Variants in APP observed in about 807,000 individuals in gnomAD.
APP encodes the protein amyloid-beta precursor protein.
Under a neutral mutation model 101.4 loss-of-function variants are expected in APP, and 31 were observed. That is an observed-to-expected ratio of 0.31 (90% confidence interval 0.23 to 0.41). APP has a LOEUF of 0.41. Ranked by LOEUF, APP falls within the 10% of genes least tolerant of loss-of-function variation. The pLI is 1.00. For synonymous variants in APP, 366 were observed against 364.4 expected (o/e 1.00, Z -0.05); for missense variants, 839 against 1,003.7 (o/e 0.84, Z 2.22).
intron 14 of APP, among the ~76,000 whole-genome samples, chr21:25,910,560 T>A (rs1457889525): frequency 6.6e-6 from 1 of 152,202 alleles, no homozygotes; most frequent in African/African-American, 2.4e-5. Flanking sequence ...TTGTGTGTAA[T>A]TGTATACTTC....
intron 3 of APP, among the ~76,000 whole-genome samples, chr21:26,074,863 C>A (rs528483672): frequency 6.6e-6 from 1 of 152,244 alleles, no homozygotes; most frequent in South Asian, 2.1e-4. Context: ...GATACACTGA[C>A]TTTTTACTAG....
intron 3 of APP, among the ~76,000 whole-genome samples, chr21:26,066,357 T>C (rs1476852909): frequency 1.3e-5 from 2 of 152,180 alleles, no homozygotes; most frequent in African/African-American, 4.8e-5. Flanking sequence ...TTATACAGTT[T>C]AGTGTTAAGT....
chr21:26,089,830 T>C (rs2146111239), intron 3 of APP, 113 bp downstream of exon 3: 1 of 1,501,106 alleles, frequency 6.7e-7, no homozygotes, highest in South Asian at 1.2e-5. Context: ...CAACACAGAG[T>C]GGCAATGTGC....
intron 14 of APP, among the ~76,000 whole-genome samples, chr21:25,906,186 G>A (rs948220738): frequency 4.6e-5 from 7 of 152,106 alleles, no homozygotes; most frequent in African/African-American, 1.4e-4. Context: ...CAGTGAGGGA[G>A]AAAAAAAGTG....
intron 13 of APP, chr21:25,937,721 G>A (rs1777352720): frequency 6.6e-6 from 1 of 152,140 alleles, no homozygotes; most frequent in Non-Finnish European, 1.5e-5. Context: ...GGAAAGTTAT[G>A]AAAGGCAGAA....
Position 26,095,860 on chromosome 21 carries a change from A to T in APP, c.226-5788T>A, listed in dbSNP as rs188249427. On this transcript the variant is annotated intron_variant, in intron 2 of 17. Transcript: ENST00000346798. The stretch of plus-strand genomic sequence containing the variant: ...AATACAGCAAACATTAGCAAATCCT[A>T]ACTCTCATACTCCCCTTCTTTTCTA... Among the ~76,000 whole-genome samples the T allele has an allele frequency of 4.8e-3, 729 of 152,314 alleles. 6 individuals carry two copies. The highest frequency in any genetic ancestry group is 7.8e-3 in the Non-Finnish European group (533 of 68,024).
At chr21:26,136,563 G>A (rs751601237) in intron 1 of APP, among the ~76,000 whole-genome samples, 1 of 152,106 alleles carries the variant, frequency 6.6e-6, no homozygotes, top group African/African-American at 2.4e-5. Flanking sequence ...ATGCCCATTT[G>A]ATTTATAAAT....
At chr21:25,891,940 A>G in intron 16 of APP, 72 bp from the exon 17 acceptor site, 1 of 1,468,394 alleles carries the variant, frequency 6.8e-7, no homozygotes, top group Non-Finnish European at 9.3e-7. Flanking sequence ...AAACGCAATT[A>G]GAAGAATTTC....
intron 2 of APP, among the ~76,000 whole-genome samples, chr21:26,095,741 A>C (rs1427458593): frequency 6.6e-6 from 1 of 152,224 alleles, no homozygotes; most frequent in African/African-American, 2.4e-5. Context: ...TACATAGGAA[A>C]TAAAGATAAA....
intron 15 of APP, 136 bp from the exon 16 acceptor site, chr21:25,897,809 A>G: frequency 1.4e-6 from 1 of 720,450 alleles, no homozygotes; most frequent in East Asian, 2.6e-5. Context: ...TGACTCTTAA[A>G]GAAAAATGAT....
Position 25,882,393 on chromosome 21 carries a change from C to T in APP, c.2212-622G>A, listed in dbSNP as rs147980059. Among the ~76,000 whole-genome samples, 482 of 142,320 alleles carry T rather than the reference C, an allele frequency of 3.4e-3. 2 individuals carry two copies. The highest frequency in any genetic ancestry group is 0.011 in the African/African-American group (433 of 37,974). 93.4% of individuals were successfully genotyped at this position (142,320 alleles called of 152,430 possible). On this transcript the variant is annotated intron_variant, in intron 17 of 17. Transcript: ENST00000346798. ...CACAAGAAAAAAGGAAGAGCAAGGA[C>T]GACGCCATTCTAGATGATGTAATTT...
At chr21:25,884,661 AC>A (rs750865483) in intron 17 of APP, among the ~76,000 whole-genome samples, 1 of 152,138 alleles carries the variant, frequency 6.6e-6, no homozygotes, top group Non-Finnish European at 1.5e-5. Context: ...GCTCCCCATC[AC>A]CTCGAAACTG....
intron 11 of APP, among the ~76,000 whole-genome samples, chr21:25,968,232 C>A (rs1373988348): frequency 6.6e-6 from 1 of 152,028 alleles, no homozygotes; most frequent in Non-Finnish European, 1.5e-5. Context: ...CTCACTGCAG[C>A]CTTGACTTCC....
Position 26,115,494 on chromosome 21 carries a change from G to A in APP, c.58-3348C>T, listed in dbSNP as rs528529103. ...ATTAAAACAAGACAAACAACTCACG[G>A]CATCCTCACCTGCATCAAATAACCC... On this transcript the variant is annotated intron_variant, in intron 1 of 17. Transcript: ENST00000346798. 2.6e-5 allele frequency among the ~76,000 whole-genome samples: 4 copies of A among 152,246 alleles called. No homozygotes were observed. In the South Asian group the frequency reaches 8.3e-4, roughly 32 times the overall value.
At chr21:26,140,291 C>T in intron 1 of APP, 3 of 1,534,616 alleles carry the variant, frequency 2.0e-6, no homozygotes, top group Non-Finnish European at 2.6e-6. Flanking sequence ...GCAGTGACCA[C>T]AACTTGACCC....
rs2061434509 is a variant in APP at position 26,072,962 on chromosome 21, G to A, written c.355+16981C>T. 1.3e-5 allele frequency among the ~76,000 whole-genome samples: 2 copies of A among 151,990 alleles called. 1 individual carries two copies. Among genetic ancestry groups the A allele is most frequent in the South Asian group, 4.2e-4 (2 of 4,814 alleles). On this transcript the variant is annotated intron_variant, in intron 3 of 17. Coordinates refer to ENST00000346798, the MANE Select transcript of APP (RefSeq NM_000484.4). ...GTCTGAATTTGCCATTTTTTGATAA[G>A]GAACTGGTGTACATCTTAGAAGAAA... is the stretch of plus-strand genomic sequence containing the variant.
chr21:26,000,257 C>T, intron 6 of APP, 75 bp from the exon 7 acceptor site: 1 of 1,581,480 alleles, frequency 6.3e-7, no homozygotes, highest in Non-Finnish European at 8.7e-7. Context: ...TACACGTTTA[C>T]TTCTTTTAAT....
intron 6 of APP, among the ~76,000 whole-genome samples, chr21:26,015,045 G>A (rs905708040): frequency 3.3e-5 from 5 of 152,172 alleles, no homozygotes; most frequent in Non-Finnish European, 2.9e-5. Context: ...AATATACAGT[G>A]TATATTCACA....
rs912036895 is a variant in APP, at chr21:25,880,805, G to A, written c.*865C>T. The stretch of plus-strand genomic sequence containing the variant: ...CCTTCAAAGAAAAGTCTTGCCCGGG[G>A]TTATTTTATTTAATTTATTTATGTA... On this transcript the variant is annotated 3_prime_UTR_variant, in exon 18 of 18. Transcript: ENST00000346798. 2.6e-5 allele frequency: 4 copies of A among 152,298 alleles called. No homozygotes were observed. The highest frequency in any genetic ancestry group is 7.2e-5 in the African/African-American group (3 of 41,412). The allele number at this position is 152,298 out of a possible 1,614,324, so 9.4% of individuals were successfully genotyped here. A position where few individuals can be genotyped will look rare whatever the true frequency, so the allele number is the denominator to read the frequency against.
Sources: gnomAD v4.1 joint callset for allele counts (sites outside exome capture counted in the v4.1 genomes callset) on GRCh38, gnomAD v4.1.1 for gene constraint, MANE v1.5 for transcripts, NCBI Gene and HGNC (gene_info 2026-07-23, HGNC 2026-07-21) for gene names.